KATNAL1: variants seen among roughly 807,000 people sequenced by gnomAD.
The protein encoded by KATNAL1 is katanin catalytic subunit A1 like 1, also known as katanin p60 ATPase-containing subunit A-like 1.
KATNAL1 carries 32 observed loss-of-function variants against 55.2 expected under a neutral mutation model. The observed-to-expected ratio is 0.58, with a 90% CI of 0.44 to 0.78. KATNAL1 has a LOEUF of 0.78. Among genes scored for constraint, KATNAL1 ranks in the 30% least tolerant of loss-of-function variants. The pLI, the probability that KATNAL1 is intolerant of heterozygous loss-of-function variation, is 0.00. For missense variants in KATNAL1, 466 were observed against 600.9 expected (o/e 0.78, Z 2.35); for synonymous variants, 193 against 193.6 (o/e 1.00, Z 0.02).
intron 6 of KATNAL1, among the ~76,000 whole-genome samples, chr13:30,236,774 T>C (rs77892940): frequency 0.013 from 2,009 of 152,328 alleles, 35 homozygotes; most frequent in African/African-American, 0.045. Flanking sequence ...CAGTGTCTTT[T>C]GTTACTATGT....
chr13:30,226,628 C>A (rs76814234), intron 9 of KATNAL1, among the ~76,000 whole-genome samples: 3,972 of 152,120 alleles, frequency 0.026, 186 homozygotes, highest in African/African-American at 0.091. Context: ...ATAGAAATGC[C>A]CTACATCTTG....
intron 9 of KATNAL1, among the ~76,000 whole-genome samples, chr13:30,213,068 C>T (rs1873847370): frequency 6.6e-6 from 1 of 152,192 alleles, no homozygotes; most frequent in Non-Finnish European, 1.5e-5. Context: ...ACCACCCTGC[C>T]TACACCTTGG....
chr13:30,223,894 A>G (rs1324363910), intron 9 of KATNAL1, among the ~76,000 whole-genome samples: 1 of 152,244 alleles, frequency 6.6e-6, no homozygotes, highest in African/African-American at 2.4e-5. Flanking sequence ...TGTTATAACA[A>G]GCTCAGAATA....
chr13:30,265,243 G>A (rs1302501482), intron 3 of KATNAL1, among the ~76,000 whole-genome samples: 5 of 151,774 alleles, frequency 3.3e-5, no homozygotes, highest in Non-Finnish European at 7.4e-5. Context: ...GGACGGGGGA[G>A]GGATAGCATT....
At chr13:30,215,781 G>C (rs562487898) in intron 9 of KATNAL1, among the ~76,000 whole-genome samples, 1 of 151,942 alleles carries the variant, frequency 6.6e-6, no homozygotes, top group African/African-American at 2.4e-5. Flanking sequence ...GTTGTGGGGT[G>C]GGGGGAGTGG....
At position 30,202,942 on chromosome 13, in the gene KATNAL1, TAAAAATGTGAC is replaced by T. The variant is rs941824066; in HGVS notation, c.*5587_*5597del. On this transcript the variant is annotated 3_prime_UTR_variant, in exon 11 of 11. Transcript: ENST00000380615. Reference sequence around the variant, plus strand: ...CATCATATGAATATACATTTGTCAGTAAAAATGTGACAAAAATGTGATGTTTTTCCAGGTTT... The same window carrying T: ...CATCATATGAATATACATTTGTCAGTAAAAATGTGATGTTTTTCCAGGTTT... 3.3e-5 allele frequency: 5 copies of T among 152,164 alleles called. No homozygotes were observed. The highest frequency in any genetic ancestry group is 9.7e-5 in the African/African-American group (4 of 41,426). 9.4% of individuals were successfully genotyped at this position (152,164 alleles called of 1,614,324 possible).
chr13:30,295,588 A>AC (rs1882429106), intron 1 of KATNAL1, among the ~76,000 whole-genome samples: 1 of 151,742 alleles, frequency 6.6e-6, no homozygotes, highest in South Asian at 2.1e-4. Flanking sequence ...ACACAGCAAG[A>AC]CCCCATCTCT....
intron 3 of KATNAL1, among the ~76,000 whole-genome samples, chr13:30,274,907 G>GCGCGCGCGCGCGCGCGCGCACACACACA (rs869107567): frequency 1.9e-5 from 2 of 105,386 alleles, no homozygotes; most frequent in Non-Finnish European, 3.9e-5. Context: ...GCGCGCGCGC[G>GCGCGCGCGCGCGCGCGCGCACACACACA]CACACACACA....
intron 3 of KATNAL1, among the ~76,000 whole-genome samples, chr13:30,265,288 G>C (rs1269311204): frequency 4.0e-5 from 6 of 151,808 alleles, no homozygotes; most frequent in African/African-American, 1.5e-4. Context: ...ACGAGTTAGT[G>C]GGTGCAGCGC....
intron 3 of KATNAL1, among the ~76,000 whole-genome samples, chr13:30,268,286 T>C (rs1163754547): frequency 6.6e-6 from 1 of 152,166 alleles, no homozygotes. Flanking sequence ...TTCTCAACTT[T>C]ACCACAAACA....
At chr13:30,270,941 G>T (rs939924862) in intron 3 of KATNAL1, among the ~76,000 whole-genome samples, 5 of 150,232 alleles carry the variant, frequency 3.3e-5, no homozygotes, top group African/African-American at 1.2e-4. Context: ...AAAAAAAAAA[G>T]AAAAATAAAG....
intron 1 of KATNAL1, among the ~76,000 whole-genome samples, chr13:30,299,304 G>A (rs1185980443): frequency 6.6e-6 from 1 of 151,976 alleles, no homozygotes; most frequent in African/African-American, 2.4e-5. Context: ...CCTCAATTCT[G>A]TCTACAAAAT....
chr13:30,238,289 T>C (rs1410929282), intron 6 of KATNAL1, among the ~76,000 whole-genome samples: 1 of 152,172 alleles, frequency 6.6e-6, no homozygotes, highest in Non-Finnish European at 1.5e-5. Flanking sequence ...CTATATCCTA[T>C]GAGATAACCA....
In KATNAL1 at chr13:30,280,071, T is replaced by C. The variant is rs776488207; in HGVS notation, c.315A>G (p.Ala105=). 6.2e-7 allele frequency: 1 copy of C among 1,611,670 alleles called. No homozygotes were observed. The highest frequency in any genetic ancestry group is 8.5e-7 in the Non-Finnish European group (1 of 1,179,224). The part of the protein sequence containing the change: ...DPAVWPPPVP[A]EHRAPPQIRR... ...TATAAAGTCCTATTTACCTGTGTTC[T>C]GCAGGAACAGGGGGTGGCCAAACAG... Residue 105 remains alanine (A), a synonymous_variant, in exon 3 of 11, where the codon GCA becomes GCG. Coordinates refer to ENST00000380615, the MANE Select transcript of KATNAL1 (RefSeq NM_032116.5).
At chr13:30,251,563 A>G (rs1468299251) in intron 4 of KATNAL1, among the ~76,000 whole-genome samples, 1 of 152,214 alleles carries the variant, frequency 6.6e-6, no homozygotes, top group East Asian at 1.9e-4. Flanking sequence ...ACAGACCCTC[A>G]GCAGATACCA....
Position 30,208,698 on chromosome 13 carries a change from A to G in KATNAL1, c.1315T>C (p.Leu439=). ...LMAMRRRING[L]SPEEIRALSK... The stretch of plus-strand genomic sequence containing the variant: ...AGTGCACGGATTTCTTCTGGACTTA[A>G]GCCATTGATACGCCGTCTCATTGCC... The change falls in exon 11 of 11, where the codon TTA becomes CTA. Residue 439 remains leucine (L), a synonymous_variant. Coordinates refer to ENST00000380615, the MANE Select transcript of KATNAL1 (RefSeq NM_032116.5). 6.2e-7 allele frequency: 1 copy of G among 1,613,722 alleles called. No individual in the cohort carries two copies. The highest frequency in any genetic ancestry group is 8.5e-7 in the Non-Finnish European group (1 of 1,179,836).
rs150008908 is a variant in KATNAL1, at chr13:30,208,404, G to A, written c.*136C>T. On this transcript the variant is annotated 3_prime_UTR_variant, in exon 11 of 11. Transcript: ENST00000380615. Reference sequence around the variant, plus strand: ...TTCTCAACTACATTTAGTATTCTTCGCAGTTTTAGATTTTTTTTTCCTTTA... The same window carrying A: ...TTCTCAACTACATTTAGTATTCTTCACAGTTTTAGATTTTTTTTTCCTTTA... The A allele has an allele frequency of 4.0e-5, 26 of 653,502 alleles. No individual in the cohort carries two copies. The highest frequency in any genetic ancestry group is 4.2e-4 in the Middle Eastern group (1 of 2,362). The allele number at this position is 653,502 out of a possible 1,614,324, so 40.5% of individuals were successfully genotyped here.
chr13:30,226,823 T>C (rs1875522139), intron 9 of KATNAL1, among the ~76,000 whole-genome samples: 1 of 152,174 alleles, frequency 6.6e-6, no homozygotes, highest in Non-Finnish European at 1.5e-5. Flanking sequence ...ACACCGGTAA[T>C]CCCAGCACTT....
Position 30,219,448 on chromosome 13 carries a change from C to T in KATNAL1, c.1147+7964G>A, listed in dbSNP as rs184238304. ...TCAGAATTTGGGATTCCTCCCTGTC[C>T]GTTCCAAAAATACTGTGCAGAGCTC... On this transcript the variant is annotated intron_variant, in intron 9 of 10. Coordinates refer to ENST00000380615, the MANE Select transcript of KATNAL1 (RefSeq NM_032116.5). Among the ~76,000 whole-genome samples the T allele has an allele frequency of 2.2e-3, 341 of 152,292 alleles. 1 individual carries two copies. The highest frequency in any genetic ancestry group is 7.5e-3 in the African/African-American group (311 of 41,568).
Sources: allele counts gnomAD v4.1 joint callset (sites outside exome capture counted in the v4.1 genomes callset), GRCh38; gene constraint gnomAD v4.1.1; transcripts MANE v1.5; gene names NCBI Gene and HGNC (gene_info 2026-07-23, HGNC 2026-07-21).